Variants in PTPN5 observed in about 807,000 individuals in gnomAD.
The protein encoded by PTPN5 is tyrosine-protein phosphatase non-receptor type 5.
In PTPN5, 29 loss-of-function variants were observed where a neutral mutation model predicts 73.9. That is an observed-to-expected ratio of 0.39 (90% CI 0.29 to 0.54). The LOEUF (loss-of-function observed/expected upper bound fraction) is 0.54, where lower values mean the gene tolerates loss of function less well. PTPN5 is among the 20% of genes least tolerant of loss of function. The pLI is 0.65. For synonymous variants in PTPN5, 267 were observed against 304.7 expected, an observed-to-expected ratio of 0.88 and a Z score of 1.29; for missense variants, 652 against 751.4, an observed-to-expected ratio of 0.87 and a Z score of 1.55.
In PTPN5 at chr11:18,777,876, T is replaced by G. The variant is rs573086847; in HGVS notation, c.-113-5805A>C. Reference sequence around the variant, plus strand: ...AGGAGGATCGCTTGAGCCCAAGACTTCAAGGTTGCAGTGAGCTATGATCGC... The same window carrying G: ...AGGAGGATCGCTTGAGCCCAAGACTGCAAGGTTGCAGTGAGCTATGATCGC... On this transcript the variant is annotated intron_variant, in intron 1 of 14. Coordinates refer to ENST00000358540, the MANE Select transcript of PTPN5 (RefSeq NM_006906.2). Among the ~76,000 whole-genome samples, 148 of 151,920 alleles carry G rather than the reference T, an allele frequency of 9.7e-4. No homozygotes were observed. The South Asian group carries it at 0.029, about 29-fold the overall frequency.
intron 3 of PTPN5, among the ~76,000 whole-genome samples, chr11:18,745,727 TG>T: frequency 6.6e-6 from 1 of 152,198 alleles, no homozygotes; most frequent in African/African-American, 2.4e-5. Flanking sequence ...TCTGTGTGCC[TG>T]GGTTAATTTT....
At chr11:18,735,366 G>C (rs1442407422) in intron 9 of PTPN5, among the ~76,000 whole-genome samples, 5 of 152,104 alleles carry the variant, frequency 3.3e-5, no homozygotes, top group African/African-American at 1.2e-4. Context: ...CTGCAGCAGA[G>C]AGGGGCAGGA....
intron 8 of PTPN5, among the ~76,000 whole-genome samples, chr11:18,739,472 G>A (rs1849268364): frequency 6.6e-6 from 1 of 152,230 alleles, no homozygotes; most frequent in Non-Finnish European, 1.5e-5. Flanking sequence ...CCCTGCAGGG[G>A]TGGGGCATGG....
chr11:18,736,629 C>T (rs1479871940), intron 9 of PTPN5, among the ~76,000 whole-genome samples: 3 of 152,218 alleles, frequency 2.0e-5, no homozygotes. Flanking sequence ...CACCCCCCAA[C>T]CCAGTCTCTG....
intron 9 of PTPN5, among the ~76,000 whole-genome samples, chr11:18,735,293 G>T (rs1849064937): frequency 6.6e-6 from 1 of 152,052 alleles, no homozygotes; most frequent in Admixed American, 6.6e-5. Flanking sequence ...GTGAAGAGGG[G>T]GTGTAGAGGG....
chr11:18,746,315 C>T (rs565123543), intron 3 of PTPN5, among the ~76,000 whole-genome samples: 16 of 151,296 alleles, frequency 1.1e-4, no homozygotes, highest in East Asian at 9.7e-4. Context: ...CCTCAGCCTC[C>T]GGAGTAGCTG....
intron 3 of PTPN5, among the ~76,000 whole-genome samples, chr11:18,764,933 C>T (rs959219385): frequency 2.6e-5 from 4 of 152,068 alleles, no homozygotes; most frequent in Non-Finnish European, 4.4e-5. Flanking sequence ...AGGATGGTCT[C>T]GATCTCCTGA....
chr11:18,729,455 G>C lies in PTPN5; in HGVS notation c.1602C>G (p.Asp534Glu). ...CCCACTCCCGCCCGTGGGCTGACCTGTCCTGACGGAGCTGGCACGTGGTCT... is the reference window on the plus strand; with the variant it reads ...CCCACTCCCGCCCGTGGGCTGACCTCTCCTGACGGAGCTGGCACGTGGTCT... ...ILKTTCQLRQ[D>E]RGGMIQTCEQ... The change falls in exon 14 of 15, where the codon GAC becomes GAG. Residue 534 changes from aspartate to glutamate, a missense_variant and splice_region_variant. Around this residue, in one of 3 missense-constraint regions of PTPN5, gnomAD observed 102 missense variants for 160.5 expected, o/e 0.64. Coordinates refer to ENST00000358540, the MANE Select transcript of PTPN5 (RefSeq NM_006906.2). The surrounding 1 kb of genome is among the most constrained non-coding windows in gnomAD (Gnocchi z 5.2). 2 of 1,494,740 alleles carry C rather than the reference G, an allele frequency of 1.3e-6. No individual in the cohort carries two copies. Among genetic ancestry groups the C allele is most frequent in the Non-Finnish European group, 1.9e-6 (2 of 1,075,632 alleles). The allele number at this position is 1,494,740 out of a possible 1,614,324, so 92.6% of individuals were successfully genotyped here.
chr11:18,770,774 C>T (rs1280851216), intron 2 of PTPN5, among the ~76,000 whole-genome samples: 4 of 152,208 alleles, frequency 2.6e-5, no homozygotes, highest in South Asian at 2.1e-4. Flanking sequence ...GAAGGTAATG[C>T]GTTGTGCAGC....
At position 18,743,945 on chromosome 11, in the gene PTPN5, G is replaced by A. The variant is rs1256939310; in HGVS notation, c.291+61C>T. The A allele has an allele frequency of 2.3e-5, 34 of 1,507,474 alleles. No homozygotes were observed. In the South Asian group the frequency reaches 2.7e-4, roughly 12 times the overall value. 93.4% of individuals were successfully genotyped at this position (1,507,474 alleles called of 1,614,324 possible). ...CAGGTGGCCATCCTGGGGAGGAAGT[G>A]GGAGGCTGGCCCTCCACCCACCCTC... On this transcript the variant is annotated intron_variant, in intron 4 of 14. Coordinates refer to ENST00000358540, the MANE Select transcript of PTPN5 (RefSeq NM_006906.2).
At chr11:18,746,192 T>TATATATATATATATATATATATATATAC in intron 3 of PTPN5, among the ~76,000 whole-genome samples, 1 of 102,824 alleles carries the variant, frequency 9.7e-6, no homozygotes, top group Non-Finnish European at 2.1e-5. Flanking sequence ...TATATATATA[T>TATATATATATATATATATATATATATAC]ACATTTTTTT....
At chr11:18,761,304 G>A (rs7103829) in intron 3 of PTPN5, among the ~76,000 whole-genome samples, 47,081 of 152,122 alleles carry the variant, frequency 0.31, 8,822 homozygotes, top group Admixed American at 0.47. Flanking sequence ...CTCCGCGGCA[G>A]CTGCTGGGAG....
At chr11:18,786,597 T>C (rs530720885) in intron 1 of PTPN5, among the ~76,000 whole-genome samples, 39 of 152,302 alleles carry the variant, frequency 2.6e-4, no homozygotes, top group Admixed American at 2.1e-3. Context: ...TTTCTAGTTT[T>C]TGTTTTTCTT....
At chr11:18,754,612 C>T (rs1850043614) in intron 3 of PTPN5, among the ~76,000 whole-genome samples, 1 of 152,212 alleles carries the variant, frequency 6.6e-6, no homozygotes, top group Non-Finnish European at 1.5e-5. Flanking sequence ...CTCTCACCAG[C>T]TATCACTCTT....
Position 18,766,209 on chromosome 11 carries a change from C to T in PTPN5, c.21-326G>A, listed in dbSNP as rs1219385241. ...TGCAAACTTTATCACATTAAATCCT[C>T]ACCATGACCTCATGAATGAGGGATC... On this transcript the variant is annotated intron_variant, in intron 2 of 14. Transcript: ENST00000358540. 2.0e-5 allele frequency among the ~76,000 whole-genome samples: 3 copies of T among 152,344 alleles called. No homozygotes were observed. In the East Asian group the frequency reaches 5.8e-4, roughly 29 times the overall value.
intron 1 of PTPN5, among the ~76,000 whole-genome samples, chr11:18,790,591 C>A (rs988899481): frequency 6.6e-6 from 1 of 152,154 alleles, no homozygotes. Flanking sequence ...TTAAAGCCCC[C>A]TCTCCCCTTT....
intron 3 of PTPN5, among the ~76,000 whole-genome samples, chr11:18,754,701 C>G (rs1850047423): frequency 6.6e-6 from 1 of 152,154 alleles, no homozygotes; most frequent in South Asian, 2.1e-4. Flanking sequence ...AAGACCTCCC[C>G]CTACAATAAA....
Position 18,742,848 on chromosome 11 carries a change from C to T in PTPN5, c.483+144G>A, listed in dbSNP as rs1370932411. 5 of 688,544 alleles carry T rather than the reference C, an allele frequency of 7.3e-6. No individual in the cohort carries two copies. The Admixed American group carries it at 1.1e-4, about 15-fold the overall frequency. 42.7% of individuals were successfully genotyped at this position (688,544 alleles called of 1,614,324 possible). A position where few individuals can be genotyped will look rare whatever the true frequency, so the allele number is the denominator to read the frequency against. On this transcript the variant is annotated intron_variant, in intron 6 of 14. Coordinates refer to ENST00000358540, the MANE Select transcript of PTPN5 (RefSeq NM_006906.2). The surrounding 1 kb of genome is among the most constrained non-coding windows in gnomAD (Gnocchi z 4.1). Reference sequence around the variant, plus strand: ...GAAAGAAGGAGGCTCTTGCCCCAGGCTGGCACACTTGTGCAAAGAGATAGG... The same window carrying T: ...GAAAGAAGGAGGCTCTTGCCCCAGGTTGGCACACTTGTGCAAAGAGATAGG...
rs931106290 is a variant in PTPN5 at position 18,729,135 on chromosome 11, C to T, written c.1605-108G>A. On this transcript the variant is annotated intron_variant, in intron 14 of 14. Coordinates refer to ENST00000358540, the MANE Select transcript of PTPN5 (RefSeq NM_006906.2). The surrounding 1 kb of genome is among the most constrained non-coding windows in gnomAD (Gnocchi z 5.2). ...TCACTTGCCAGGCCTTGCCCCTGTG[C>T]GTCTTGGAGAGACCAACCCTTGCCA... The T allele has an allele frequency of 6.9e-6, 8 of 1,167,178 alleles. No homozygotes were observed. The highest frequency in any genetic ancestry group is 6.6e-5 in the Admixed American group (3 of 45,698). 72.3% of individuals were successfully genotyped at this position (1,167,178 alleles called of 1,614,324 possible).
Sources: allele counts gnomAD v4.1 joint callset (sites outside exome capture counted in the v4.1 genomes callset), GRCh38; gene constraint gnomAD v4.1.1; regional missense constraint gnomAD v4.1.1; non-coding constraint Gnocchi (gnomAD v3.1); transcripts MANE v1.5; gene names NCBI Gene and HGNC (gene_info 2026-07-23, HGNC 2026-07-21).